Variants in MINDY4 observed in about 807,000 individuals in gnomAD.
The protein encoded by MINDY4 is probable ubiquitin carboxyl-terminal hydrolase MINDY-4.
In MINDY4, 68 loss-of-function variants were observed where a neutral mutation model predicts 87.0. The observed-to-expected ratio is 0.78, with a 90% confidence interval of 0.64 to 0.96. The LOEUF (loss-of-function observed/expected upper bound fraction) is 0.96. Among genes scored for constraint, MINDY4 ranks in the 40% least tolerant of loss-of-function variants. The pLI, the probability that MINDY4 is intolerant of heterozygous loss-of-function variation, is 0.00. For missense variants in MINDY4, 919 were observed against 928.2 expected, an observed-to-expected ratio of 0.99 and a Z score of 0.13; for synonymous variants, 379 against 363.2, an observed-to-expected ratio of 1.04 and a Z score of -0.50.
rs966764036 is a variant in MINDY4, at chr7:30,814,432, A to C, written c.1074-14247A>C. On this transcript the variant is annotated intron_variant, in intron 5 of 17. Coordinates refer to ENST00000265299, the MANE Select transcript of MINDY4 (RefSeq NM_032222.3). Reference sequence around the variant, plus strand: ...TAAGCTTTGTGAAACATTTCGCTGCATTGTTTTTTATTTTTATCACGTCAC... The same window carrying C: ...TAAGCTTTGTGAAACATTTCGCTGCCTTGTTTTTTATTTTTATCACGTCAC... 2.6e-5 allele frequency among the ~76,000 whole-genome samples: 4 copies of C among 152,142 alleles called. No individual in the cohort carries two copies. In the East Asian group the frequency reaches 7.7e-4, roughly 29 times the overall value.
At chr7:30,868,360 A>T (rs1790002058) in intron 13 of MINDY4, among the ~76,000 whole-genome samples, 1 of 152,222 alleles carries the variant, frequency 6.6e-6, no homozygotes, top group Admixed American at 6.5e-5. Flanking sequence ...ACTGGACCTC[A>T]GTTTCCCCAT....
At chr7:30,842,668 G>A (rs935764761) in intron 9 of MINDY4, among the ~76,000 whole-genome samples, 7 of 152,164 alleles carry the variant, frequency 4.6e-5, no homozygotes, top group Non-Finnish European at 8.8e-5. Context: ...GGACATGCAC[G>A]GTGCTAAGGG....
chr7:30,771,464 G>C lies in MINDY4; in HGVS notation c.-30G>C, dbSNP rs1264080196. On this transcript the variant is annotated 5_prime_UTR_variant, in exon 1 of 18. Coordinates refer to ENST00000265299, the MANE Select transcript of MINDY4 (RefSeq NM_032222.3). Reference sequence around the variant, plus strand: ...TTGCCTGGTGCTGCGGCCCGGCGTGGGCCTCGTGGGCAGAGCCAGAGCCAG... The same window carrying C: ...TTGCCTGGTGCTGCGGCCCGGCGTGCGCCTCGTGGGCAGAGCCAGAGCCAG... 1.3e-6 allele frequency: 2 copies of C among 1,592,982 alleles called. No individual in the cohort carries two copies. The highest frequency in any genetic ancestry group is 3.6e-5 in the Admixed American group (2 of 55,968).
At chr7:30,824,641 A>AT (rs1788443725) in intron 5 of MINDY4, among the ~76,000 whole-genome samples, 4 of 152,138 alleles carry the variant, frequency 2.6e-5, no homozygotes. Context: ...TTGCGTGATC[A>AT]TAGCTCACTG....
At chr7:30,838,744 C>T (rs1009695600) in intron 7 of MINDY4, among the ~76,000 whole-genome samples, 1 of 152,218 alleles carries the variant, frequency 6.6e-6, no homozygotes, top group Admixed American at 6.5e-5. Flanking sequence ...ACTGGAGTCT[C>T]ACCCTCAGCA....
At position 30,810,132 on chromosome 7, in the gene MINDY4, C is replaced by T. The variant is rs568841147; in HGVS notation, c.1074-18547C>T. 2.7e-3 allele frequency among the ~76,000 whole-genome samples: 380 copies of T among 142,086 alleles called. 1 individual carries two copies. The highest frequency in any genetic ancestry group is 8.9e-3 in the African/African-American group (332 of 37,230). The allele number at this position is 142,086 out of a possible 152,430, so 93.2% of individuals were successfully genotyped here. On this transcript the variant is annotated intron_variant, in intron 5 of 17. Transcript: ENST00000265299. ...CGGAGGTTGTGGCGAGCCGAGATTG[C>T]GCCACACACTCCAGCCTGGGCGACA... is the stretch of plus-strand genomic sequence containing the variant.
chr7:30,864,612 T>C (rs1789870526), intron 13 of MINDY4, among the ~76,000 whole-genome samples: 1 of 152,262 alleles, frequency 6.6e-6, no homozygotes, highest in South Asian at 2.1e-4. Context: ...CTCAGCCTGC[T>C]GGGTGCTGGG....
chr7:30,831,933 T>C (rs1251829538), intron 6 of MINDY4, among the ~76,000 whole-genome samples: 3 of 152,240 alleles, frequency 2.0e-5, no homozygotes, highest in Non-Finnish European at 4.4e-5. Flanking sequence ...AATAGCATTC[T>C]CAAACCACTG....
At chr7:30,828,802 C>T (rs1327317412) in intron 6 of MINDY4, 65 bp downstream of exon 6, 10 of 1,551,848 alleles carry the variant, frequency 6.4e-6, no homozygotes, top group Non-Finnish European at 7.9e-6. Flanking sequence ...TTGGCTCTGT[C>T]TGGGAGATGG....
intron 5 of MINDY4, among the ~76,000 whole-genome samples, chr7:30,820,967 A>G (rs1197871305): frequency 6.6e-6 from 1 of 151,238 alleles, no homozygotes; most frequent in African/African-American, 2.4e-5. Context: ...TTTTTTTTCT[A>G]CTCTTTTCAC....
rs560327526 is a variant in MINDY4 at position 30,820,103 on chromosome 7, G to A, written c.1074-8576G>A. On this transcript the variant is annotated intron_variant, in intron 5 of 17. Coordinates refer to ENST00000265299, the MANE Select transcript of MINDY4 (RefSeq NM_032222.3). Reference sequence around the variant, plus strand: ...TTTTTAGTAGAGACGGGGTTTCACCGTTTTAGCCGGGATGGTCTTGATCTC... The same window carrying A: ...TTTTTAGTAGAGACGGGGTTTCACCATTTTAGCCGGGATGGTCTTGATCTC... Among the ~76,000 whole-genome samples the A allele has an allele frequency of 5.4e-4, 82 of 151,104 alleles. No homozygotes were observed. In the East Asian group the frequency reaches 9.1e-3, roughly 17 times the overall value.
At chr7:30,794,147 C>T (rs941323927) in intron 5 of MINDY4, among the ~76,000 whole-genome samples, 23 of 152,142 alleles carry the variant, frequency 1.5e-4, no homozygotes, top group Admixed American at 1.5e-3. Flanking sequence ...TGATTTGAAA[C>T]CAGGGCCAAA....
At chr7:30,866,934 G>T (rs957436093) in intron 13 of MINDY4, among the ~76,000 whole-genome samples, 9 of 152,100 alleles carry the variant, frequency 5.9e-5, no homozygotes, top group Middle Eastern at 3.2e-3. Flanking sequence ...CCTGCCTCCT[G>T]GGCTCCCATC....
chr7:30,795,904 C>G (rs189481254), intron 5 of MINDY4, among the ~76,000 whole-genome samples: 33 of 152,254 alleles, frequency 2.2e-4, no homozygotes, highest in Non-Finnish European at 4.0e-4. Flanking sequence ...TTTTGAGGAC[C>G]TTTGTGATTA....
At chr7:30,771,596 A>G in intron 1 of MINDY4, 40 bp downstream of exon 1, 1 of 1,561,066 alleles carries the variant, frequency 6.4e-7, no homozygotes, top group South Asian at 1.2e-5. Context: ...AAGTGGCTCT[A>G]ATTTGGGGGG....
At chr7:30,844,551 G>A (rs1006426603) in intron 9 of MINDY4, among the ~76,000 whole-genome samples, 3 of 152,112 alleles carry the variant, frequency 2.0e-5, no homozygotes, top group African/African-American at 4.8e-5. Context: ...GTGAAGACCC[G>A]GAAGACCAGG....
intron 3 of MINDY4, 49 bp downstream of exon 3, chr7:30,782,261 C>A (rs1224789385): frequency 6.3e-6 from 9 of 1,417,958 alleles, no homozygotes; most frequent in Non-Finnish European, 8.8e-6. Context: ...GCTGCCATAA[C>A]AAATTACTAT....
At chr7:30,815,781 C>CT (rs1788129295) in intron 5 of MINDY4, among the ~76,000 whole-genome samples, 1 of 152,176 alleles carries the variant, frequency 6.6e-6, no homozygotes, top group African/African-American at 2.4e-5. Context: ...TTGGAGCTGA[C>CT]TTCAGCCGTG....
chr7:30,837,478 A>G (rs566520144), intron 7 of MINDY4, among the ~76,000 whole-genome samples: 1 of 152,262 alleles, frequency 6.6e-6, no homozygotes, highest in East Asian at 1.9e-4. Context: ...CAAATCAAAG[A>G]GCAAAATATT....
Sources: gnomAD v4.1 joint callset for allele counts (sites outside exome capture counted in the v4.1 genomes callset) on GRCh38, gnomAD v4.1.1 for gene constraint, MANE v1.5 for transcripts, NCBI Gene and HGNC (gene_info 2026-07-23, HGNC 2026-07-21) for gene names.